Variants in TRIM9 observed in about 807,000 individuals in gnomAD.
The protein encoded by TRIM9 is E3 ubiquitin-protein ligase TRIM9.
In TRIM9, 26 loss-of-function variants were observed where a neutral mutation model predicts 78.3. The ratio of observed to expected loss-of-function variants is 0.33; its 90% CI spans 0.24 to 0.46. TRIM9 has a LOEUF of 0.46. TRIM9 is among the 20% of genes least tolerant of loss of function. The pLI is 1.00. For synonymous variants in TRIM9, 398 were observed against 416.5 expected, an observed-to-expected ratio of 0.96 and a Z score of 0.54; for missense variants, 787 against 1,036.4, an observed-to-expected ratio of 0.76 and a Z score of 3.30.
In TRIM9 at chr14:50,985,997, T is replaced by A; in HGVS notation, c.1751A>T (p.Gln584Leu). ...CTGTAAAGAGGAATGCAAGCTCAGC[T>A]GGTGGGGTGAGGATCGGAAATCAAA... is the stretch of plus-strand genomic sequence containing the variant. Reference protein sequence around the residue: ...SYFDFRSSPHQLSLHSSLQSL... With the variant: ...SYFDFRSSPHLLSLHSSLQSL... The change falls in exon 8 of 13, where the codon CAG becomes CTG. Residue 584 changes from glutamine (Q) to leucine (L), a missense_variant. Coordinates refer to ENST00000684578, the MANE Select transcript of TRIM9 (RefSeq NM_001387360.1). 1 of 1,548,072 alleles carries A rather than the reference T, an allele frequency of 6.5e-7. No homozygotes were observed. The highest frequency in any genetic ancestry group is 8.7e-7 in the Non-Finnish European group (1 of 1,145,742).
intron 12 of TRIM9, chr14:50,978,756 CTGTTTTTT>C (rs1465541261): frequency 2.4e-5 from 7 of 288,362 alleles, no homozygotes; most frequent in Admixed American, 9.4e-5. Flanking sequence ...AGATTTTTAT[CTGTTTTTT>C]TGTTTTTTTT....
rs140366325 is a variant in TRIM9 at position 51,083,151 on chromosome 14, C to T, written c.822+10967G>A. 7.2e-5 allele frequency among the ~76,000 whole-genome samples: 11 copies of T among 152,192 alleles called. No homozygotes were observed. In the East Asian group the frequency reaches 1.2e-3, roughly 16 times the overall value. On this transcript the variant is annotated intron_variant, in intron 1 of 12. Transcript: ENST00000684578. The stretch of plus-strand genomic sequence containing the variant: ...TTGCTTCCTTTGATAGACTAGAACT[C>T]GATACTTTTCTCATGAAGTGAATCT...
At chr14:51,007,011 C>G (rs992462682) in intron 5 of TRIM9, among the ~76,000 whole-genome samples, 2 of 152,184 alleles carry the variant, frequency 1.3e-5, no homozygotes, top group African/African-American at 2.4e-5. Flanking sequence ...CTGGCCTGGA[C>G]TCCACCGTGA....
intron 1 of TRIM9, among the ~76,000 whole-genome samples, chr14:51,040,784 A>T (rs972655306): frequency 1.3e-5 from 2 of 152,236 alleles, no homozygotes; most frequent in Non-Finnish European, 2.9e-5. Context: ...CTTCTCTGTT[A>T]GTACTAACAT....
At chr14:51,014,336 T>G (rs920164997) in intron 3 of TRIM9, among the ~76,000 whole-genome samples, 8 of 152,160 alleles carry the variant, frequency 5.3e-5, no homozygotes, top group African/African-American at 1.9e-4. Context: ...CAGCAGGGGT[T>G]TGCAATTGGC....
At chr14:51,091,156 G>A (rs1328771955) in intron 1 of TRIM9, 2 of 152,010 alleles carry the variant, frequency 1.3e-5, no homozygotes, top group Non-Finnish European at 2.9e-5. Context: ...TTATTCATGT[G>A]TTATTATTTT....
At chr14:51,016,781 C>T (rs2057256720) in intron 3 of TRIM9, among the ~76,000 whole-genome samples, 2 of 151,972 alleles carry the variant, frequency 1.3e-5, no homozygotes, top group African/African-American at 4.8e-5. Flanking sequence ...GGCTGGGGAC[C>T]AGTGGTTTAA....
chr14:51,015,156 T>G (rs11628625), intron 3 of TRIM9, among the ~76,000 whole-genome samples: 61,199 of 152,134 alleles, frequency 0.4, 12,641 homozygotes, highest in Middle Eastern at 0.44. Context: ...GACACTGATA[T>G]CTACTGGTTA....
intron 3 of TRIM9, among the ~76,000 whole-genome samples, chr14:51,022,412 T>A (rs1225207149): frequency 1.3e-5 from 2 of 152,204 alleles, no homozygotes; most frequent in Non-Finnish European, 2.9e-5. Flanking sequence ...ACACCATGCT[T>A]TTGGACTTCC....
intron 3 of TRIM9, among the ~76,000 whole-genome samples, chr14:51,015,273 G>A (rs1015868360): frequency 7.9e-5 from 12 of 151,954 alleles, no homozygotes; most frequent in African/African-American, 2.9e-4. Context: ...ATTTTGTCCT[G>A]CCTGTTCACA....
At chr14:51,020,287 G>A (rs2057628123) in intron 3 of TRIM9, among the ~76,000 whole-genome samples, 1 of 152,222 alleles carries the variant, frequency 6.6e-6, no homozygotes. Flanking sequence ...CGAGCGAGCC[G>A]TGGAGGCCTG....
chr14:51,020,393 C>A (rs1040952906), intron 3 of TRIM9, among the ~76,000 whole-genome samples: 1 of 152,078 alleles, frequency 6.6e-6, no homozygotes, highest in Non-Finnish European at 1.5e-5. Flanking sequence ...ACAAATCATT[C>A]GAGATAGAAG....
In TRIM9 at chr14:51,055,952, T is replaced by C. The variant is rs1414762237; in HGVS notation, c.823-30592A>G. Among the ~76,000 whole-genome samples the C allele has an allele frequency of 3.9e-5, 6 of 152,210 alleles. No homozygotes were observed. The East Asian group carries it at 9.6e-4, about 24-fold the overall frequency. ...TTATTCATATAAATGTTTTAGACAA[T>C]CTTGAAAAGTATAATGATGCAATCC... is the stretch of plus-strand genomic sequence containing the variant. On this transcript the variant is annotated intron_variant, in intron 1 of 12. Transcript: ENST00000684578.
chr14:51,022,703 G>T (rs1163265392), intron 3 of TRIM9, 132 bp downstream of exon 3: 7 of 1,404,154 alleles, frequency 5.0e-6, no homozygotes, highest in African/African-American at 1.4e-5. Flanking sequence ...TTTCTGGCCA[G>T]ACCACTGGCT....
chr14:50,991,679 T>C (rs936883057), intron 7 of TRIM9, among the ~76,000 whole-genome samples: 3 of 152,358 alleles, frequency 2.0e-5, no homozygotes, highest in African/African-American at 7.2e-5. Flanking sequence ...TATCTAATGC[T>C]GCTTCATAGC....
intron 1 of TRIM9, among the ~76,000 whole-genome samples, chr14:51,082,809 C>A (rs894867585): frequency 6.6e-6 from 1 of 152,166 alleles, no homozygotes; most frequent in Non-Finnish European, 1.5e-5. Context: ...CATATAAGAG[C>A]AAGCCACCTC....
At chr14:51,033,134 G>A (rs1256292803) in intron 1 of TRIM9, among the ~76,000 whole-genome samples, 1 of 152,124 alleles carries the variant, frequency 6.6e-6, no homozygotes, top group Non-Finnish European at 1.5e-5. Flanking sequence ...CTGTCGCCCA[G>A]GCTGGAGTGC....
At chr14:51,080,377 T>C (rs1337975340) in intron 1 of TRIM9, among the ~76,000 whole-genome samples, 1 of 151,126 alleles carries the variant, frequency 6.6e-6, no homozygotes, top group African/African-American at 2.5e-5. Flanking sequence ...ATTATGGGTG[T>C]CTGAGGGCAT....
intron 1 of TRIM9, among the ~76,000 whole-genome samples, chr14:51,076,997 C>A (rs939946907): frequency 6.6e-6 from 1 of 152,222 alleles, no homozygotes; most frequent in East Asian, 1.9e-4. Flanking sequence ...AGTCCTCTGG[C>A]TCCAACTCTC....
Sources: gnomAD v4.1 joint callset for allele counts (sites outside exome capture counted in the v4.1 genomes callset) on GRCh38, gnomAD v4.1.1 for gene constraint, MANE v1.5 for transcripts, NCBI Gene and HGNC (gene_info 2026-07-23, HGNC 2026-07-21) for gene names.